Variants in ENOX1 observed in about 807,000 individuals in gnomAD.
The protein encoded by ENOX1 is ecto-NOX disulfide-thiol exchanger 1.
ENOX1 carries 42 observed loss-of-function variants against 82.5 expected under a neutral mutation model. That is an observed-to-expected ratio of 0.51 (90% CI 0.40 to 0.66). The LOEUF (loss-of-function observed/expected upper bound fraction) is 0.66. Among genes scored for constraint, ENOX1 ranks in the 30% least tolerant of loss-of-function variants. ENOX1 has a pLI of 0.00. For synonymous variants in ENOX1, 271 were observed against 282.2 expected (o/e 0.96, Z 0.40); for missense variants, 608 against 811.6 (o/e 0.75, Z 3.05).
chr13:43,478,937 G>T (rs2058399316), intron 3 of ENOX1, among the ~76,000 whole-genome samples: 1 of 65,866 alleles, frequency 1.5e-5, no homozygotes, highest in Non-Finnish European at 4.0e-5. Flanking sequence ...AGAGGTCAGA[G>T]CCATTTCGGG....
intron 1 of ENOX1, among the ~76,000 whole-genome samples, chr13:43,761,131 G>A (rs946232130): frequency 2.6e-5 from 4 of 151,858 alleles, no homozygotes; most frequent in Admixed American, 6.6e-5. Context: ...CTGCCTTCCT[G>A]TCCTCATTCT....
chr13:43,369,399 T>C (rs1199679454), intron 5 of ENOX1, among the ~76,000 whole-genome samples: 1 of 152,196 alleles, frequency 6.6e-6, no homozygotes, highest in African/African-American at 2.4e-5. Flanking sequence ...GTTCTGAACT[T>C]GTATGTATAA....
intron 5 of ENOX1, chr13:43,394,867 G>GA (rs35693270): frequency 0.34 from 49,448 of 145,396 alleles, 9,536 homozygotes; most frequent in East Asian, 0.75. Flanking sequence ...ACCTTTACAG[G>GA]AAAAAAAAAA....
intron 8 of ENOX1, among the ~76,000 whole-genome samples, chr13:43,355,258 T>C (rs1016540957): frequency 1.3e-5 from 2 of 152,208 alleles, no homozygotes; most frequent in Non-Finnish European, 1.5e-5. Flanking sequence ...AGAGCCTTCC[T>C]ATGTCTTTAT....
At chr13:43,592,976 A>G (rs2081309009) in intron 2 of ENOX1, among the ~76,000 whole-genome samples, 3 of 152,252 alleles carry the variant, frequency 2.0e-5, no homozygotes, top group African/African-American at 7.2e-5. Context: ...GCATCCTTGA[A>G]GTTCTCAAAA....
At chr13:43,466,013 T>C (rs563475941) in intron 3 of ENOX1, among the ~76,000 whole-genome samples, 2 of 152,298 alleles carry the variant, frequency 1.3e-5, no homozygotes, top group South Asian at 4.1e-4. Flanking sequence ...ATTTCATGTT[T>C]CTCCTAGGCA....
rs144111444 is a variant in ENOX1, at chr13:43,357,958, G to A, written c.590-1806C>T. ...CTGACGCTGCAGCCTCTCAAGGGCA[G>A]GGAGGCAGAGTTAGGAGGCTCCTCT... is the stretch of plus-strand genomic sequence containing the variant. On this transcript the variant is annotated intron_variant, in intron 7 of 16. Transcript: ENST00000690772. Among the ~76,000 whole-genome samples the A allele has an allele frequency of 2.9e-3, 441 of 152,256 alleles. 5 individuals carry two copies. Among genetic ancestry groups the A allele is most frequent in the African/African-American group, 0.01 (417 of 41,554 alleles).
At chr13:43,550,881 G>T (rs1335525162) in intron 2 of ENOX1, among the ~76,000 whole-genome samples, 1 of 152,198 alleles carries the variant, frequency 6.6e-6, no homozygotes, top group Non-Finnish European at 1.5e-5. Flanking sequence ...TAGATCAGCA[G>T]TTTACGTTAT....
At chr13:43,328,274 G>C (rs1566524466) in intron 9 of ENOX1, among the ~76,000 whole-genome samples, 1 of 152,172 alleles carries the variant, frequency 6.6e-6, no homozygotes, top group Non-Finnish European at 1.5e-5. Flanking sequence ...CTGTACACAG[G>C]CTGGGATCAT....
chr13:43,381,658 G>C (rs2052057376), intron 5 of ENOX1, among the ~76,000 whole-genome samples: 3 of 151,826 alleles, frequency 2.0e-5, no homozygotes, highest in African/African-American at 4.8e-5. Flanking sequence ...AAGCAGAGAA[G>C]ATACAAACTG....
At chr13:43,642,525 G>A (rs566377482) in intron 2 of ENOX1, among the ~76,000 whole-genome samples, 1 of 152,330 alleles carries the variant, frequency 6.6e-6, no homozygotes, top group Non-Finnish European at 1.5e-5. Context: ...GCTGATAGGT[G>A]TCACTGACAC....
chr13:43,452,520 T>C lies in ENOX1; in HGVS notation c.-75+31489A>G, dbSNP rs182994133. Among the ~76,000 whole-genome samples the C allele has an allele frequency of 2.4e-4, 37 of 152,316 alleles. No individual in the cohort carries two copies. The East Asian group carries it at 6.9e-3, about 29-fold the overall frequency. The stretch of plus-strand genomic sequence containing the variant: ...CACATTTTCTTTATCCTGTCCATCA[T>C]TGTATCTAACTATTTATTTTGAGAC... On this transcript the variant is annotated intron_variant, in intron 3 of 16. Coordinates refer to ENST00000690772, the MANE Select transcript of ENOX1 (RefSeq NM_001347969.2).
chr13:43,487,171 CAAAA>C (rs79661442), intron 2 of ENOX1, among the ~76,000 whole-genome samples: 1 of 95,238 alleles, frequency 1.0e-5, no homozygotes. Context: ...GACTCTGTCT[CAAAA>C]AAAAAAAAAA....
At chr13:43,436,273 A>G (rs977150436) in intron 3 of ENOX1, among the ~76,000 whole-genome samples, 1 of 152,224 alleles carries the variant, frequency 6.6e-6, no homozygotes, top group Non-Finnish European at 1.5e-5. Flanking sequence ...TAAAAGATAG[A>G]CTGAAAAGAT....
chr13:43,624,338 C>G (rs1265019029), intron 2 of ENOX1, among the ~76,000 whole-genome samples: 1 of 152,084 alleles, frequency 6.6e-6, no homozygotes, highest in Non-Finnish European at 1.5e-5. Flanking sequence ...TCTCAGATAT[C>G]TGCTTTGCAA....
intron 2 of ENOX1, among the ~76,000 whole-genome samples, chr13:43,514,723 A>G (rs1478894407): frequency 6.6e-6 from 1 of 152,154 alleles, no homozygotes; most frequent in African/African-American, 2.4e-5. Context: ...GTGTCTTTAC[A>G]AGTCATACCT....
chr13:43,344,568 T>A lies in ENOX1; in HGVS notation c.1006A>T (p.Lys336Ter), dbSNP rs1406033874. 6.2e-7 allele frequency: 1 copy of A among 1,614,222 alleles called. No individual in the cohort carries two copies. The highest frequency in any genetic ancestry group is 8.5e-7 in the Non-Finnish European group (1 of 1,180,042). The change falls in exon 9 of 17, where the codon AAA (lysine) becomes TAA (stop). Residue 336 changes from lysine (K) to a stop codon, truncating the protein, a stop_gained. Transcript: ENST00000690772. LOFTEE classifies it high-confidence loss of function. ...QEMEEAKENF[K>*]NALTGILTQF... is the part of the protein sequence containing the mutation. ...GTGAGAATCCCAGTTAAGGCATTTT[T>A]AAAATTCTCCTTGGCTTCCTCCATC...
intron 2 of ENOX1, chr13:43,544,059 G>A (rs1027972241): frequency 6.6e-6 from 1 of 151,696 alleles, no homozygotes; most frequent in Admixed American, 6.6e-5. Flanking sequence ...TGGGATTACA[G>A]GCATGAGTCA....
intron 14 of ENOX1, among the ~76,000 whole-genome samples, chr13:43,243,135 CAAAAAAAA>C (rs748084568): frequency 1.2e-5 from 1 of 81,556 alleles, no homozygotes; most frequent in Non-Finnish European, 2.4e-5. Context: ...GACTCTGTCT[CAAAAAAAA>C]AAAAAAAAAA....
Sources: gnomAD v4.1 joint callset for allele counts (sites outside exome capture counted in the v4.1 genomes callset) on GRCh38, gnomAD v4.1.1 for gene constraint, MANE v1.5 for transcripts, NCBI Gene and HGNC (gene_info 2026-07-23, HGNC 2026-07-21) for gene names.